The following PIN4 variants were observed in gnomAD, a reference collection of about 807,000 sequenced individuals.
PIN4 encodes the protein peptidyl-prolyl cis-trans isomerase NIMA-interacting 4.
Under a neutral mutation model 8.3 loss-of-function variants are expected in PIN4, and 3 were observed. That is an observed-to-expected ratio of 0.36 (90% CI 0.16 to 0.93). The LOEUF (loss-of-function observed/expected upper bound fraction) is 0.93, where lower values mean the gene tolerates loss of function less well. Among genes scored for constraint, PIN4 ranks in the 40% least tolerant of loss-of-function variants. The pLI is 0.44. For synonymous variants in PIN4, 18 were observed against 32.5 expected, an observed-to-expected ratio of 0.55 and a Z score of 1.52; for missense variants, 75 against 100.6, an observed-to-expected ratio of 0.75 and a Z score of 1.09.
chrX:72,212,666 A>G (rs1325056135), intron 3 of PIN4, among the ~76,000 whole-genome samples: 2 of 112,043 alleles, frequency 1.8e-5, no homozygotes, highest in African/African-American at 3.2e-5. Flanking sequence ...GACAGCTGGG[A>G]GCGGTGGCTT....
chrX:72,253,247 C>T (rs761026934), intron 3 of PIN4, among the ~76,000 whole-genome samples: 8 of 112,273 alleles, frequency 7.1e-5, no homozygotes, highest in Non-Finnish European at 1.5e-4. Context: ...ACTGCAACTA[C>T]CCAAGCCTAA....
chrX:72,262,614 C>T (rs2043144075), intron 3 of PIN4: 3 of 512,152 alleles, frequency 5.9e-6, no homozygotes, highest in African/African-American at 2.3e-5. Flanking sequence ...TGTCAAGACC[C>T]CATGCAGACA....
At chrX:72,220,952 A>G (rs1427946999) in intron 3 of PIN4, among the ~76,000 whole-genome samples, 1 of 111,887 alleles carries the variant, frequency 8.9e-6, no homozygotes, top group Non-Finnish European at 1.9e-5. Flanking sequence ...GCAGTGGGCA[A>G]CGGCAGCTCA....
intron 2 of PIN4, among the ~76,000 whole-genome samples, chrX:72,190,727 C>T (rs1008476432): frequency 3.6e-5 from 4 of 110,196 alleles, no homozygotes; most frequent in Non-Finnish European, 5.7e-5. Flanking sequence ...CCAAGGCTTG[C>T]GGATCACCTG....
chrX:72,211,473 T>A (rs1288715490), intron 3 of PIN4, among the ~76,000 whole-genome samples: 1 of 112,133 alleles, frequency 8.9e-6, no homozygotes, highest in Non-Finnish European at 1.9e-5. Context: ...GACTAGAGCA[T>A]GTTTCTCTTT....
chrX:72,212,568 T>A (rs2042861767), intron 3 of PIN4, among the ~76,000 whole-genome samples: 1 of 112,032 alleles, frequency 8.9e-6, no homozygotes, highest in Non-Finnish European at 1.9e-5. Flanking sequence ...GCACACAAGC[T>A]TAAGTTGCAG....
chrX:72,196,711 C>T, intron 2 of PIN4, 74 bp from the exon 3 acceptor site: 8 of 902,963 alleles, frequency 8.9e-6, no homozygotes, highest in Non-Finnish European at 1.2e-5. Flanking sequence ...TGGGGGTAAT[C>T]CAAATGTAAC....
At chrX:72,209,201 C>A (rs1444573989) in intron 3 of PIN4, among the ~76,000 whole-genome samples, 5 of 111,050 alleles carry the variant, frequency 4.5e-5, no homozygotes, top group Non-Finnish European at 9.4e-5. Flanking sequence ...TCCCAGAGGA[C>A]TCAGTCCTAG....
At chrX:72,229,804 G>A (rs752377257) in intron 3 of PIN4, among the ~76,000 whole-genome samples, 1 of 111,769 alleles carries the variant, frequency 8.9e-6, no homozygotes, top group Non-Finnish European at 1.9e-5. Context: ...CTTGGATTGA[G>A]AGCAAGCAGA....
chrX:72,189,584 C>T (rs942877461), intron 2 of PIN4, among the ~76,000 whole-genome samples: 1 of 111,377 alleles, frequency 9.0e-6, no homozygotes, highest in Non-Finnish European at 1.9e-5. Context: ...ATCCCTAATC[C>T]AAAAATACAA....
At chrX:72,252,636 C>T (rs976383766) in intron 3 of PIN4, among the ~76,000 whole-genome samples, 6 of 112,047 alleles carry the variant, frequency 5.4e-5, no homozygotes, top group Middle Eastern at 4.7e-3. Flanking sequence ...GTGATCTGCC[C>T]GCCTTGGCCT....
chrX:72,230,377 C>T (rs1409543721), intron 3 of PIN4, among the ~76,000 whole-genome samples: 1 of 109,785 alleles, frequency 9.1e-6, no homozygotes, highest in Non-Finnish European at 1.9e-5. Flanking sequence ...ACCTCCTCTC[C>T]TCCCAGAGAC....
At chrX:72,208,857 G>A (rs1232791851) in intron 3 of PIN4, among the ~76,000 whole-genome samples, 1 of 112,138 alleles carries the variant, frequency 8.9e-6, no homozygotes, top group Admixed American at 9.5e-5. Context: ...GAAAGCTGGC[G>A]TCACTTGAGA....
intron 3 of PIN4, chrX:72,239,057 C>A (rs1413339721): frequency 3.6e-6 from 2 of 556,214 alleles, no homozygotes; most frequent in Non-Finnish European, 5.5e-6. Flanking sequence ...GGGACACAGC[C>A]AACCGACGGC....
At chrX:72,194,905 A>G (rs1426537299) in intron 2 of PIN4, among the ~76,000 whole-genome samples, 1 of 110,986 alleles carries the variant, frequency 9.0e-6, no homozygotes, top group African/African-American at 3.3e-5. Flanking sequence ...TAGATACCCA[A>G]ATACTTAAAC....
chrX:72,252,085 C>T (rs1237468622), intron 3 of PIN4, among the ~76,000 whole-genome samples: 2 of 111,384 alleles, frequency 1.8e-5, no homozygotes, highest in Non-Finnish European at 3.8e-5. Flanking sequence ...TCTTGTTGTA[C>T]TCTCACTTGA....
intron 3 of PIN4, among the ~76,000 whole-genome samples, chrX:72,258,760 T>C (rs1023579280): frequency 1.8e-5 from 2 of 111,119 alleles, no homozygotes; most frequent in Non-Finnish European, 3.8e-5. Context: ...AAATGATACC[T>C]CCATCACAGG....
chrX:72,189,192 GAAAT>G (rs2042719341), intron 2 of PIN4, among the ~76,000 whole-genome samples: 1 of 110,976 alleles, frequency 9.0e-6, no homozygotes, highest in Non-Finnish European at 1.9e-5. Context: ...AAAAGGAAAA[GAAAT>G]AATACGTATT....
chrX:72,259,766 T>C (rs1211122994), intron 3 of PIN4, among the ~76,000 whole-genome samples: 1 of 93,281 alleles, frequency 1.1e-5, no homozygotes, highest in African/African-American at 4.0e-5. Context: ...AGTCTCGCTC[T>C]ATTGCCCAGG....
Sources: gnomAD v4.1 joint callset for allele counts (sites outside exome capture counted in the v4.1 genomes callset) on GRCh38, gnomAD v4.1.1 for gene constraint, MANE v1.5 for transcripts, NCBI Gene and HGNC (gene_info 2026-07-23, HGNC 2026-07-21) for gene names.